RSRC2: variants seen among roughly 807,000 people sequenced by gnomAD.
The protein encoded by RSRC2 is arginine and serine rich coiled-coil 2.
A neutral mutation model predicts 61.3 loss-of-function variants in RSRC2; 5 were observed. That is an observed-to-expected ratio of 0.08 (90% CI 0.04 to 0.17). RSRC2 has a LOEUF of 0.17. Ranked by LOEUF, RSRC2 falls within the 10% of genes least tolerant of loss-of-function variation. The pLI is 1.00. For missense variants in RSRC2, 381 were observed against 518.8 expected (o/e 0.73, Z 2.58); for synonymous variants, 202 against 166.5 (o/e 1.21, Z -1.64).
At chr12:122,516,249 A>G (rs1958913868) in intron 5 of RSRC2, among the ~76,000 whole-genome samples, 2 of 152,212 alleles carry the variant, frequency 1.3e-5, no homozygotes, top group Non-Finnish European at 2.9e-5. Flanking sequence ...CTACTGTCAT[A>G]TGTAAACAAG....
chr12:122,516,122 C>G (rs567030475), intron 5 of RSRC2, among the ~76,000 whole-genome samples: 13 of 152,184 alleles, frequency 8.5e-5, no homozygotes, highest in African/African-American at 2.9e-4. Flanking sequence ...ATTTAAAGAT[C>G]AAGTGATAAA....
intron 1 of RSRC2, among the ~76,000 whole-genome samples, chr12:122,526,463 A>C (rs1593446502): frequency 6.6e-6 from 1 of 151,958 alleles, no homozygotes. Context: ...CTTTTCAGAG[A>C]CCACTCCTGA....
At chr12:122,521,312 A>G in intron 3 of RSRC2, 73 bp downstream of exon 3, 1 of 1,169,318 alleles carries the variant, frequency 8.6e-7, no homozygotes, top group Non-Finnish European at 1.3e-6. Flanking sequence ...AACGTCTTAT[A>G]TTCATACAAA....
intron 1 of RSRC2, among the ~76,000 whole-genome samples, chr12:122,522,647 A>G (rs1212497984): frequency 6.6e-6 from 1 of 152,238 alleles, no homozygotes; most frequent in Non-Finnish European, 1.5e-5. Flanking sequence ...AGATGTGTGA[A>G]TGCATTTAGC....
chr12:122,526,451 T>A (rs1385429715), intron 1 of RSRC2, among the ~76,000 whole-genome samples: 2 of 151,844 alleles, frequency 1.3e-5, no homozygotes, highest in Non-Finnish European at 2.9e-5. Context: ...TTTGACCCAA[T>A]ACTTTTCAGA....
At chr12:122,518,106 G>A (rs1959066464) in intron 4 of RSRC2, among the ~76,000 whole-genome samples, 1 of 152,064 alleles carries the variant, frequency 6.6e-6, no homozygotes, top group South Asian at 2.1e-4. Flanking sequence ...TGAATAGCCT[G>A]CACAACATGG....
chr12:122,506,509 C>A, intron 9 of RSRC2: 1 of 214,454 alleles, frequency 4.7e-6, no homozygotes, highest in East Asian at 1.0e-4. Context: ...CTTTGAGAGG[C>A]CGAGGTGGAA....
chr12:122,522,237 T>A lies in RSRC2; in HGVS notation c.69A>T (p.Lys23Asn), dbSNP rs1402040608. ...AAACAGATACTTCTGACTGCTCTTT[T>A]TTCTTATCTCTATCTGGTGATGTCT... is the stretch of plus-strand genomic sequence containing the variant. ...PEKTSPDRDK[K>N]KEQSEVSVSP... Residue 23 changes from lysine (K) to asparagine (N), a missense_variant, in exon 2 of 10, where the codon AAA (lysine) becomes AAT (asparagine). By Grantham distance (94) the Lys-to-Asn change is moderately conservative. Coordinates refer to ENST00000331738, the MANE Select transcript of RSRC2 (RefSeq NM_023012.6). 2 of 1,614,002 alleles carry A rather than the reference T, an allele frequency of 1.2e-6. No homozygotes were observed. The highest frequency in any genetic ancestry group is 1.7e-6 in the Non-Finnish European group (2 of 1,180,012).
intron 9 of RSRC2, 23 bp downstream of exon 9, chr12:122,506,811 C>G (rs759742207): frequency 3.6e-6 from 5 of 1,377,982 alleles, no homozygotes; most frequent in Non-Finnish European, 5.2e-6. Context: ...ATACAAAGAT[C>G]CCCTGGCACA....
At chr12:122,523,171 TAATA>T (rs1387693275) in intron 1 of RSRC2, 3 of 152,236 alleles carry the variant, frequency 2.0e-5, no homozygotes, top group Non-Finnish European at 2.9e-5. Flanking sequence ...TAGGCATATT[TAATA>T]AATAACTTCA....
At position 122,519,323 on chromosome 12, in the gene RSRC2, T is replaced by C. The variant is rs1459163120; in HGVS notation, c.208-294A>G. On this transcript the variant is annotated intron_variant, in intron 3 of 9. Transcript: ENST00000331738. ...TTATGCCAGACAAAAGAGGAATCCCTTATGTTTATCTAAAAGAATACAGAC... is the reference window on the plus strand; with the variant it reads ...TTATGCCAGACAAAAGAGGAATCCCCTATGTTTATCTAAAAGAATACAGAC... 4 of 319,608 alleles carry C rather than the reference T, an allele frequency of 1.3e-5. No individual in the cohort carries two copies. In the Admixed American group the frequency reaches 1.8e-4, roughly 14 times the overall value. 19.8% of individuals were successfully genotyped at this position (319,608 alleles called of 1,614,324 possible).
intron 7 of RSRC2, among the ~76,000 whole-genome samples, chr12:122,508,785 C>T (rs1408853624): frequency 6.6e-6 from 1 of 151,848 alleles, no homozygotes; most frequent in Non-Finnish European, 1.5e-5. Context: ...GGAGAAACCC[C>T]GTCTCTACCA....
intron 7 of RSRC2, among the ~76,000 whole-genome samples, chr12:122,509,234 G>T (rs1424897618): frequency 6.6e-6 from 1 of 151,802 alleles, no homozygotes; most frequent in Non-Finnish European, 1.5e-5. Context: ...GGATCACAAG[G>T]TCAGGAGTTC....
rs1566320688 is a variant in RSRC2, at chr12:122,505,620, A to G, written c.1212T>C (p.Asp404=). 4.3e-6 allele frequency: 7 copies of G among 1,614,102 alleles called. No homozygotes were observed. In the East Asian group the frequency reaches 1.3e-4, roughly 31 times the overall value. ...GTGATCTTGCCATTTCATACTGAGC[A>G]TCTAAATTTCGAAATACTTCTTCCT... is the stretch of plus-strand genomic sequence containing the variant. ...KQQEEVFRNL[D]AQYEMARSQT... Residue 404 remains aspartate, a synonymous_variant, in exon 10 of 10, where the codon GAT becomes GAC. Coordinates refer to ENST00000331738, the MANE Select transcript of RSRC2 (RefSeq NM_023012.6).
In RSRC2 at chr12:122,505,444, A is replaced by T; in HGVS notation, c.*83T>A. ...AGTCAATGCAACACCCATGCAAGCT[A>T]GAGTGCTAGCTGTTTGGTGAACAAG... On this transcript the variant is annotated 3_prime_UTR_variant, in exon 10 of 10. Coordinates refer to ENST00000331738, the MANE Select transcript of RSRC2 (RefSeq NM_023012.6). 1 of 1,287,550 alleles carries T rather than the reference A, an allele frequency of 7.8e-7. No homozygotes were observed. Among genetic ancestry groups the T allele is most frequent in the Non-Finnish European group, 1.1e-6 (1 of 917,176 alleles). 79.8% of individuals were successfully genotyped at this position (1,287,550 alleles called of 1,614,324 possible).
Position 122,508,211 on chromosome 12 carries a change from A to G in RSRC2, c.1035+7T>C. 6.2e-7 allele frequency: 1 copy of G among 1,607,502 alleles called. No individual in the cohort carries two copies. The highest frequency in any genetic ancestry group is 1.1e-5 in the South Asian group (1 of 90,956). The stretch of plus-strand genomic sequence containing the variant: ...AAACGACAGAAAAGCAGAATAAGAG[A>G]ACTTACCCCTTCTTTCTTGCCCTGC... On this transcript the variant is annotated splice_region_variant and intron_variant, in intron 8 of 9. Transcript: ENST00000331738.
At chr12:122,520,426 T>C (rs1029061509) in intron 3 of RSRC2, 6 of 862,916 alleles carry the variant, frequency 7.0e-6, no homozygotes, top group Admixed American at 6.3e-5. Context: ...TTACTATTAA[T>C]TTAAAAAAAA....
chr12:122,525,312 G>A (rs1593434633), intron 1 of RSRC2, among the ~76,000 whole-genome samples: 1 of 152,098 alleles, frequency 6.6e-6, no homozygotes, highest in African/African-American at 2.4e-5. Context: ...GGAGGCGGAG[G>A]TTGCAGTGAG....
chr12:122,515,245 T>C lies in RSRC2; in HGVS notation c.603-18A>G. On this transcript the variant is annotated intron_variant, in intron 5 of 9. Coordinates refer to ENST00000331738, the MANE Select transcript of RSRC2 (RefSeq NM_023012.6). ...TTCTATCTCTGTAGTAAATCGTATTTCATATGTCAAATTATGGCCAAGTCA... is the reference window on the plus strand; with the variant it reads ...TTCTATCTCTGTAGTAAATCGTATTCCATATGTCAAATTATGGCCAAGTCA... 6 of 1,608,484 alleles carry C rather than the reference T, an allele frequency of 3.7e-6. No individual in the cohort carries two copies. The highest frequency in any genetic ancestry group is 5.1e-6 in the Non-Finnish European group (6 of 1,177,688).
Sources: gnomAD v4.1 joint callset for allele counts (sites outside exome capture counted in the v4.1 genomes callset) on GRCh38, gnomAD v4.1.1 for gene constraint, MANE v1.5 for transcripts, NCBI Gene and HGNC (gene_info 2026-07-23, HGNC 2026-07-21) for gene names.